SLC24A3: variants seen among roughly 807,000 people sequenced by gnomAD.
SLC24A3 encodes solute carrier family 24 member 3, also known as sodium/potassium/calcium exchanger 3.
Under a neutral mutation model 75.8 loss-of-function variants are expected in SLC24A3, and 28 were observed. That is an observed-to-expected ratio of 0.37 (90% CI 0.27 to 0.51). SLC24A3 has a LOEUF of 0.51. SLC24A3 is among the 20% of genes least tolerant of loss of function. The probability of loss-of-function intolerance (pLI) is 0.94; values close to 1 mark genes in which losing one functional copy is unlikely to be tolerated. For synonymous variants in SLC24A3, 372 were observed against 334.1 expected (o/e 1.11, Z -1.24); for missense variants, 663 against 847.8 (o/e 0.78, Z 2.71).
chr20:19,292,426 G>A (rs1482573736), intron 2 of SLC24A3, among the ~76,000 whole-genome samples: 1 of 152,198 alleles, frequency 6.6e-6, no homozygotes, highest in African/African-American at 2.4e-5. Context: ...AACCCAGGCG[G>A]AAAGTAAAAA....
chr20:19,322,954 T>A (rs941076896), intron 2 of SLC24A3, among the ~76,000 whole-genome samples: 4 of 151,862 alleles, frequency 2.6e-5, no homozygotes, highest in African/African-American at 9.7e-5. Flanking sequence ...CGCCTGTAAT[T>A]CCAGCACTTT....
intron 12 of SLC24A3, among the ~76,000 whole-genome samples, chr20:19,687,858 T>C (rs1422564320): frequency 6.6e-6 from 1 of 152,118 alleles, no homozygotes; most frequent in Non-Finnish European, 1.5e-5. Context: ...TGTGATTAGG[T>C]TGCAGATGAT....
intron 2 of SLC24A3, among the ~76,000 whole-genome samples, chr20:19,473,334 G>A (rs1251094701): frequency 6.6e-6 from 1 of 152,186 alleles, no homozygotes; most frequent in African/African-American, 2.4e-5. Flanking sequence ...GAGGCTTGGG[G>A]TTTATGGAAT....
At chr20:19,386,992 G>A (rs1986283372) in intron 2 of SLC24A3, among the ~76,000 whole-genome samples, 1 of 151,982 alleles carries the variant, frequency 6.6e-6, no homozygotes. Flanking sequence ...TCTTTATTGG[G>A]AATTTTTTGA....
At chr20:19,588,932 C>T (rs2031336170) in intron 6 of SLC24A3, among the ~76,000 whole-genome samples, 1 of 152,214 alleles carries the variant, frequency 6.6e-6, no homozygotes. Context: ...ATAAAGAGCT[C>T]CAACATCAGC....
At chr20:19,408,523 G>A (rs1176727927) in intron 2 of SLC24A3, among the ~76,000 whole-genome samples, 2 of 151,676 alleles carry the variant, frequency 1.3e-5, no homozygotes, top group African/African-American at 2.4e-5. Context: ...CCAAATAGCT[G>A]GGACTACTGG....
At chr20:19,426,163 C>T (rs1174245907) in intron 2 of SLC24A3, among the ~76,000 whole-genome samples, 1 of 152,176 alleles carries the variant, frequency 6.6e-6, no homozygotes, top group African/African-American at 2.4e-5. Context: ...GAGATTCTTC[C>T]TCACTTCCTC....
chr20:19,477,870 AC>A (rs1370135764), intron 2 of SLC24A3, among the ~76,000 whole-genome samples: 2 of 152,358 alleles, frequency 1.3e-5, no homozygotes, highest in East Asian at 3.9e-4. Flanking sequence ...CAAAATGGCT[AC>A]TATTGGGTTT....
chr20:19,220,583 G>A (rs1981680104), intron 1 of SLC24A3, among the ~76,000 whole-genome samples: 1 of 152,348 alleles, frequency 6.6e-6, no homozygotes, highest in Admixed American at 6.5e-5. Flanking sequence ...TGGACTTTTA[G>A]AGCATCTAGG....
chr20:19,285,374 G>A (rs888237161), intron 2 of SLC24A3, among the ~76,000 whole-genome samples: 1 of 150,824 alleles, frequency 6.6e-6, no homozygotes, highest in Non-Finnish European at 1.5e-5. Context: ...GCTACTTGGG[G>A]GGCTGAGGTG....
chr20:19,255,824 A>C (rs1982798198), intron 1 of SLC24A3, among the ~76,000 whole-genome samples: 1 of 152,178 alleles, frequency 6.6e-6, no homozygotes, highest in Non-Finnish European at 1.5e-5. Context: ...GGTCAAGTGC[A>C]GTGGTTCATG....
intron 2 of SLC24A3, among the ~76,000 whole-genome samples, chr20:19,508,522 GAA>G (rs1237473478): frequency 6.6e-6 from 1 of 151,808 alleles, no homozygotes; most frequent in Non-Finnish European, 1.5e-5. Context: ...AAGCAAAGGA[GAA>G]AAGACTCTAC....
At chr20:19,537,981 A>G (rs962707039) in intron 3 of SLC24A3, among the ~76,000 whole-genome samples, 2 of 152,038 alleles carry the variant, frequency 1.3e-5, no homozygotes, top group African/African-American at 4.8e-5. Context: ...TACATATGTA[A>G]CAAACCTGCG....
chr20:19,309,275 C>T (rs1261523591), intron 2 of SLC24A3, among the ~76,000 whole-genome samples: 1 of 152,188 alleles, frequency 6.6e-6, no homozygotes, highest in Non-Finnish European at 1.5e-5. Context: ...GATCAGCTTT[C>T]CTAACTTCAC....
At chr20:19,214,545 A>G (rs987763462) in intron 1 of SLC24A3, among the ~76,000 whole-genome samples, 2 of 152,108 alleles carry the variant, frequency 1.3e-5, no homozygotes, top group Admixed American at 6.5e-5. Flanking sequence ...TTGGGGCTCT[A>G]TGAGACATAG....
chr20:19,719,395 T>C lies in SLC24A3; in HGVS notation c.1786-1596T>C, dbSNP rs559507497. Among the ~76,000 whole-genome samples, 6 of 152,208 alleles carry C rather than the reference T, an allele frequency of 3.9e-5. No individual in the cohort carries two copies. In the South Asian group the frequency reaches 1.2e-3, roughly 32 times the overall value. On this transcript the variant is annotated intron_variant, in intron 16 of 16. Coordinates refer to ENST00000328041, the MANE Select transcript of SLC24A3 (RefSeq NM_020689.4). ...CCAGGGATGGAGTTGGGGCATGTGCTAGAGGAGAGGGAGTTGCTGGAACCA... is the reference window on the plus strand; with the variant it reads ...CCAGGGATGGAGTTGGGGCATGTGCCAGAGGAGAGGGAGTTGCTGGAACCA...
intron 15 of SLC24A3, among the ~76,000 whole-genome samples, chr20:19,700,970 A>C (rs2032864844): frequency 6.6e-6 from 1 of 152,188 alleles, no homozygotes; most frequent in Non-Finnish European, 1.5e-5. Flanking sequence ...GATTTTTCTC[A>C]GTGTTAGAAA....
chr20:19,432,254 G>C (rs990428407), intron 2 of SLC24A3, among the ~76,000 whole-genome samples: 1 of 138,222 alleles, frequency 7.2e-6, no homozygotes, highest in Non-Finnish European at 1.5e-5. Context: ...GAATCAAACA[G>C]ATTTATATAT....
chr20:19,603,279 G>A (rs1411274193), intron 6 of SLC24A3, among the ~76,000 whole-genome samples: 4 of 152,184 alleles, frequency 2.6e-5, no homozygotes, highest in African/African-American at 4.8e-5. Flanking sequence ...GCATCTGCCC[G>A]CTGAACAGAT....
Sources: gnomAD v4.1 joint callset for allele counts (sites outside exome capture counted in the v4.1 genomes callset) on GRCh38, gnomAD v4.1.1 for gene constraint, MANE v1.5 for transcripts, NCBI Gene and HGNC (gene_info 2026-07-23, HGNC 2026-07-21) for gene names.